The following RPL27A variants were observed in gnomAD, a reference collection of about 807,000 sequenced individuals.
RPL27A encodes large ribosomal subunit protein uL15.
For missense variants in RPL27A, 118 were observed against 189.4 expected (o/e 0.62, Z 2.21); for synonymous variants, 69 against 68.3 (o/e 1.01, Z -0.05).
chr11:8,685,298 T>C (rs1035380554), intron 4 of RPL27A: 1 of 479,284 alleles, frequency 2.1e-6, no homozygotes, highest in Non-Finnish European at 4.0e-6. Flanking sequence ...AGAGGTAGTG[T>C]TAAGAGGCCA....
In RPL27A at chr11:8,687,373, CAA is replaced by C. The variant is rs1366834880; in HGVS notation, c.*1568_*1569del. ...TGCCATTGCACTCCAGCTTGGGCAA[CAA>C]GAGTGAAACTCTGTCCACCCCCCCC... On this transcript the variant is annotated 3_prime_UTR_variant, in exon 5 of 5. Transcript: ENST00000314138. The C allele has an allele frequency of 1.6e-5, 2 of 126,212 alleles. No homozygotes were observed. The highest frequency in any genetic ancestry group is 2.9e-5 in the African/African-American group (1 of 34,652). The allele number at this position is 126,212 out of a possible 1,614,324, so 7.8% of individuals were successfully genotyped here. A position where few individuals can be genotyped will look rare whatever the true frequency, so the allele number is the denominator to read the frequency against.
In RPL27A at chr11:8,685,908, C is replaced by G; in HGVS notation, c.*102C>G. ...TCTACATCCTGTGTGCATTGGGAGC[C>G]CAGGTTCTAGTACTTAGGGTATGAA... is the stretch of plus-strand genomic sequence containing the variant. On this transcript the variant is annotated 3_prime_UTR_variant, in exon 5 of 5. Coordinates refer to ENST00000314138, the MANE Select transcript of RPL27A (RefSeq NM_000990.5). The G allele has an allele frequency of 8.4e-7, 1 of 1,185,038 alleles. No individual in the cohort carries two copies. The highest frequency in any genetic ancestry group is 1.5e-5 in the African/African-American group (1 of 66,094). 73.4% of individuals were successfully genotyped at this position (1,185,038 alleles called of 1,614,324 possible).
In RPL27A at chr11:8,687,082, A is replaced by G. The variant is rs999245727; in HGVS notation, c.*1276A>G. 1 of 152,132 alleles carries G rather than the reference A, an allele frequency of 6.6e-6. No homozygotes were observed. The highest frequency in any genetic ancestry group is 2.4e-5 in the African/African-American group (1 of 41,344). The allele number at this position is 152,132 out of a possible 1,614,324, so 9.4% of individuals were successfully genotyped here. The stretch of plus-strand genomic sequence containing the variant: ...GAGAAGCACTGAATTGGCTTACATA[A>G]GAATAGGCTAGAATTACAAGTAGTG... On this transcript the variant is annotated 3_prime_UTR_variant, in exon 5 of 5. Coordinates refer to ENST00000314138, the MANE Select transcript of RPL27A (RefSeq NM_000990.5).
intron 1 of RPL27A, 126 bp downstream of exon 1, chr11:8,682,942 G>T (rs1429961793): frequency 2.3e-6 from 3 of 1,312,864 alleles, no homozygotes; most frequent in East Asian, 2.4e-5. Context: ...GCCGCCTGCG[G>T]GGCAGGGTGG....
chr11:8,688,106 T>C lies in RPL27A; in HGVS notation c.*2300T>C, dbSNP rs2039604064. 6.6e-6 allele frequency: 1 copy of C among 152,260 alleles called. No individual in the cohort carries two copies. The highest frequency in any genetic ancestry group is 6.5e-5 in the Admixed American group (1 of 15,280). 9.4% of individuals were successfully genotyped at this position (152,260 alleles called of 1,614,324 possible). On this transcript the variant is annotated 3_prime_UTR_variant, in exon 5 of 5. Transcript: ENST00000314138. ...GTGCTATGGTGGAGAGAAAGATTAC[T>C]CTGGCCGGGCTGTAAAGGACGGCTA...
In RPL27A at chr11:8,686,744, AT is replaced by A. The variant is rs1310971146; in HGVS notation, c.*941del. 6.6e-6 allele frequency: 1 copy of A among 152,144 alleles called. No homozygotes were observed. The highest frequency in any genetic ancestry group is 2.4e-5 in the African/African-American group (1 of 41,430). The allele number at this position is 152,144 out of a possible 1,614,324, so 9.4% of individuals were successfully genotyped here. A position where few individuals can be genotyped will look rare whatever the true frequency, so the allele number is the denominator to read the frequency against. ...GGAAATTGAAATAAGTTTTTCTAGGATTTGTGTCTCTTGCTATTGGAAAACT... is the reference window on the plus strand; with the variant it reads ...GGAAATTGAAATAAGTTTTTCTAGGATTGTGTCTCTTGCTATTGGAAAACT... On this transcript the variant is annotated 3_prime_UTR_variant, in exon 5 of 5. Coordinates refer to ENST00000314138, the MANE Select transcript of RPL27A (RefSeq NM_000990.5).
At chr11:8,684,394 T>C (rs780902478) in intron 3 of RPL27A, 11 of 718,088 alleles carry the variant, frequency 1.5e-5, no homozygotes, top group South Asian at 1.5e-4. Context: ...GGATGATAAA[T>C]TTTGGCTATT....
In RPL27A at chr11:8,689,299, A is replaced by G. The variant is rs985805653; in HGVS notation, c.*3493A>G. The G allele has an allele frequency of 1.3e-5, 2 of 152,272 alleles. No homozygotes were observed. Among genetic ancestry groups the G allele is most frequent in the Non-Finnish European group, 2.9e-5 (2 of 68,054 alleles). The allele number at this position is 152,272 out of a possible 1,614,324, so 9.4% of individuals were successfully genotyped here. A position where few individuals can be genotyped will look rare whatever the true frequency, so the allele number is the denominator to read the frequency against. On this transcript the variant is annotated 3_prime_UTR_variant, in exon 5 of 5. Transcript: ENST00000314138. ...CCTCCAGAATTTGTCTCAATTGTCT[A>G]AAAGGTAATGAGCGTCAGCGACATT... is the stretch of plus-strand genomic sequence containing the variant.
chr11:8,682,795 T>C lies in RPL27A; in HGVS notation c.-19T>C, dbSNP rs1240725670. ...GCGAGACTTGGCGAAGGCCTTCCTTTTTCGTCTGGGCTGCCAACATGGTAG... is the reference window on the plus strand; with the variant it reads ...GCGAGACTTGGCGAAGGCCTTCCTTCTTCGTCTGGGCTGCCAACATGGTAG... On this transcript the variant is annotated 5_prime_UTR_variant, in exon 1 of 5. Transcript: ENST00000314138. 6 of 1,613,470 alleles carry C rather than the reference T, an allele frequency of 3.7e-6. No individual in the cohort carries two copies. The highest frequency in any genetic ancestry group is 5.1e-6 in the Non-Finnish European group (6 of 1,179,672).
chr11:8,685,544 C>T (rs781175173), intron 4 of RPL27A, 134 bp from the exon 5 acceptor site: 33 of 978,946 alleles, frequency 3.4e-5, no homozygotes, highest in Non-Finnish European at 4.6e-5. Flanking sequence ...TCGGTGCCCC[C>T]GTTAGTGCCC....
chr11:8,687,924 C>G lies in RPL27A; in HGVS notation c.*2118C>G, dbSNP rs1434039059. 1.3e-5 allele frequency: 2 copies of G among 151,942 alleles called. No individual in the cohort carries two copies. The highest frequency in any genetic ancestry group is 2.9e-5 in the Non-Finnish European group (2 of 68,022). The allele number at this position is 151,942 out of a possible 1,614,324, so 9.4% of individuals were successfully genotyped here. A position where few individuals can be genotyped will look rare whatever the true frequency, so the allele number is the denominator to read the frequency against. On this transcript the variant is annotated 3_prime_UTR_variant, in exon 5 of 5. Transcript: ENST00000314138. ...CATGAGCCACCGCGCCCGGCCCAGG[C>G]ACTTAATTTTTGTGTTTGACTTAGT...
chr11:8,683,727 G>C (rs1044109315), intron 2 of RPL27A: 17 of 510,908 alleles, frequency 3.3e-5, no homozygotes, highest in South Asian at 3.2e-4. Context: ...GCCCAGGCTG[G>C]AGTGCAGTGG....
At chr11:8,684,141 C>G in intron 3 of RPL27A, 60 bp downstream of exon 3, 1 of 1,398,602 alleles carries the variant, frequency 7.2e-7, no homozygotes, top group Non-Finnish European at 1.0e-6. Context: ...AGAGAGAGGG[C>G]TGGCTTAAAC....
chr11:8,685,342 C>G (rs2039576127), intron 4 of RPL27A: 2 of 543,358 alleles, frequency 3.7e-6, no homozygotes, highest in Admixed American at 3.9e-5. Flanking sequence ...CACTTCCCAG[C>G]CTATTTAATG....
At chr11:8,685,176 T>C in intron 4 of RPL27A, 2 of 494,342 alleles carry the variant, frequency 4.0e-6, no homozygotes, top group South Asian at 4.1e-5. Flanking sequence ...ATATGTTCCA[T>C]TGATACTCAG....
Position 8,687,918 on chromosome 11 carries a change from C to T in RPL27A, c.*2112C>T. ...TACAGGCATGAGCCACCGCGCCCGGCCCAGGCACTTAATTTTTGTGTTTGA... is the reference window on the plus strand; with the variant it reads ...TACAGGCATGAGCCACCGCGCCCGGTCCAGGCACTTAATTTTTGTGTTTGA... On this transcript the variant is annotated 3_prime_UTR_variant, in exon 5 of 5. Transcript: ENST00000314138. The T allele has an allele frequency of 6.6e-6, 1 of 152,320 alleles. No homozygotes were observed. Among genetic ancestry groups the T allele is most frequent in the Non-Finnish European group, 1.5e-5 (1 of 68,076 alleles). 9.4% of individuals were successfully genotyped at this position (152,320 alleles called of 1,614,324 possible).
intron 1 of RPL27A, 122 bp from the exon 2 acceptor site, chr11:8,683,080 C>G: frequency 9.0e-7 from 1 of 1,107,054 alleles, no homozygotes; most frequent in Non-Finnish European, 1.4e-6. Context: ...GTACCCTCAG[C>G]TTTCCCAAAC....
chr11:8,684,955 T>A, intron 4 of RPL27A, 63 bp downstream of exon 4: 1 of 1,468,144 alleles, frequency 6.8e-7, no homozygotes, highest in South Asian at 1.1e-5. Flanking sequence ...TGGCTTAATC[T>A]AATCCACTTA....
chr11:8,684,500 G>A lies in RPL27A; in HGVS notation c.144-218G>A, dbSNP rs550129636. On this transcript the variant is annotated intron_variant, in intron 3 of 4. Transcript: ENST00000314138. ...CGGCCCTGCCTCTGACATTGTCGGT[G>A]GTTTATCCTGGTTCCAGGAAATAAG... The A allele has an allele frequency of 1.7e-3, 1,150 of 669,242 alleles. 4 individuals carry two copies. Among genetic ancestry groups the A allele is most frequent in the Non-Finnish European group, 2.5e-3 (934 of 373,542 alleles). The allele number at this position is 669,242 out of a possible 1,614,324, so 41.5% of individuals were successfully genotyped here.
Sources: gnomAD v4.1 joint callset for allele counts on GRCh38, gnomAD v4.1.1 for gene constraint, MANE v1.5 for transcripts, NCBI Gene and HGNC (gene_info 2026-07-23, HGNC 2026-07-21) for gene names.